Variants in CDK5RAP2 observed in about 807,000 individuals in gnomAD.
The protein encoded by CDK5RAP2 is CDK5 regulatory subunit associated protein 2.
A neutral mutation model predicts 232.9 loss-of-function variants in CDK5RAP2; 147 were observed. The ratio of observed to expected loss-of-function variants is 0.63; its 90% confidence interval spans 0.55 to 0.72. The LOEUF (loss-of-function observed/expected upper bound fraction) is 0.72. Ranked by LOEUF, CDK5RAP2 falls within the 30% of genes least tolerant of loss-of-function variation. The pLI is 0.00. For missense variants in CDK5RAP2, 2,195 were observed against 2,231.5 expected, an observed-to-expected ratio of 0.98 and a Z score of 0.33; for synonymous variants, 833 against 833.7, an observed-to-expected ratio of 1.00 and a Z score of 0.01.
At chr9:120,568,227 C>G in intron 3 of CDK5RAP2, 94 bp downstream of exon 3, 1 of 994,412 alleles carries the variant, frequency 1.0e-6, no homozygotes, top group Non-Finnish European at 1.6e-6. Flanking sequence ...CATCACCGAA[C>G]TTAGATCTCA....
intron 6 of CDK5RAP2, among the ~76,000 whole-genome samples, chr9:120,538,172 C>A (rs908748744): frequency 3.9e-5 from 6 of 152,162 alleles, no homozygotes; most frequent in Non-Finnish European, 8.8e-5. Flanking sequence ...GGCCTAATAG[C>A]TACATAACCC....
chr9:120,557,165 G>A (rs2042260190), intron 3 of CDK5RAP2, among the ~76,000 whole-genome samples: 1 of 152,140 alleles, frequency 6.6e-6, no homozygotes, highest in African/African-American at 2.4e-5. Flanking sequence ...AGTCCCAAAT[G>A]AATAAAATGA....
At chr9:120,429,463 T>C (rs1483631267) in intron 25 of CDK5RAP2, among the ~76,000 whole-genome samples, 2 of 152,032 alleles carry the variant, frequency 1.3e-5, no homozygotes, top group Non-Finnish European at 2.9e-5. Flanking sequence ...TATACACCAA[T>C]AACAGACAAA....
chr9:120,579,836 C>A, intron 1 of CDK5RAP2, 84 bp downstream of exon 1: 10 of 1,165,720 alleles, frequency 8.6e-6, no homozygotes, highest in Non-Finnish European at 1.2e-5. Flanking sequence ...CCCTCAAGAG[C>A]AAACCCCAAG....
intron 12 of CDK5RAP2, among the ~76,000 whole-genome samples, chr9:120,496,765 GC>G (rs1439871395): frequency 7.9e-6 from 1 of 127,108 alleles, no homozygotes; most frequent in Non-Finnish European, 1.6e-5. Context: ...CCGGCCAGCC[GC>G]CCCGTCCAGG....
At position 120,416,500 on chromosome 9, in the gene CDK5RAP2, A is replaced by G. The variant is rs117325291; in HGVS notation, c.4178-1341T>C. On this transcript the variant is annotated intron_variant, in intron 27 of 37. Coordinates refer to ENST00000349780, the MANE Select transcript of CDK5RAP2 (RefSeq NM_018249.6). Reference sequence around the variant, plus strand: ...ACACAAATATGTGAAAGAAGGAAATATATCTAAATATTAATAGCAGTTGCC... The same window carrying G: ...ACACAAATATGTGAAAGAAGGAAATGTATCTAAATATTAATAGCAGTTGCC... 4.3e-4 allele frequency among the ~76,000 whole-genome samples: 65 copies of G among 152,374 alleles called. No homozygotes were observed. The East Asian group carries it at 0.012, about 28-fold the overall frequency.
rs117891635 is a variant in CDK5RAP2, at chr9:120,547,522, C to T, written c.307-1732G>A. Among the ~76,000 whole-genome samples, 229 of 151,872 alleles carry T rather than the reference C, an allele frequency of 1.5e-3. 6 individuals are homozygous for T. In the East Asian group the frequency reaches 0.038, roughly 25 times the overall value. On this transcript the variant is annotated intron_variant, in intron 4 of 37. Transcript: ENST00000349780. ...GGAAGGCTGAGGCAGAAGAATCGCT[C>T]GAACCCAGGAGGCAGAGGTCGCAGT...
chr9:120,487,172 G>C, intron 14 of CDK5RAP2, 122 bp downstream of exon 14: 1 of 1,038,892 alleles, frequency 9.6e-7, no homozygotes, highest in East Asian at 2.4e-5. Context: ...CCTACCTGTT[G>C]TAGGCTCAGT....
rs1564356278 is a variant in CDK5RAP2, at chr9:120,539,165, C to A, written c.384-1G>T. On this transcript the variant is annotated splice_acceptor_variant, in intron 5 of 37. Transcript: ENST00000349780. LOFTEE classifies it high-confidence loss of function. The stretch of plus-strand genomic sequence containing the variant: ...TTCAGCTAAGCTCTCAACTGCTTTG[C>A]TGCAAAAAGAGGCACAGGGGTAAAA... 2 of 1,613,818 alleles carry A rather than the reference C, an allele frequency of 1.2e-6. No homozygotes were observed. Among genetic ancestry groups the A allele is most frequent in the Non-Finnish European group, 1.7e-6 (2 of 1,179,758 alleles).
intron 12 of CDK5RAP2, among the ~76,000 whole-genome samples, chr9:120,515,083 A>T (rs2040270038): frequency 1.3e-5 from 2 of 151,938 alleles, no homozygotes; most frequent in Admixed American, 6.6e-5. Flanking sequence ...AGAGAGACAG[A>T]GTGTGTGTGT....
At chr9:120,490,605 T>G (rs2038852182) in intron 13 of CDK5RAP2, among the ~76,000 whole-genome samples, 1 of 152,228 alleles carries the variant, frequency 6.6e-6, no homozygotes. Context: ...TGTAGCTGTG[T>G]GGAGAAAGCT....
chr9:120,574,486 A>G (rs1329480136), intron 1 of CDK5RAP2, among the ~76,000 whole-genome samples: 4 of 152,250 alleles, frequency 2.6e-5, no homozygotes, highest in Non-Finnish European at 5.9e-5. Flanking sequence ...TCAAAATCAC[A>G]AAAGTTAGTG....
At chr9:120,567,539 C>G (rs1218894674) in intron 3 of CDK5RAP2, among the ~76,000 whole-genome samples, 1 of 152,172 alleles carries the variant, frequency 6.6e-6, no homozygotes, top group Non-Finnish European at 1.5e-5. Context: ...GAACAGGTAA[C>G]TTGTTAAAGA....
At chr9:120,408,951 C>T (rs2033667155) in intron 30 of CDK5RAP2, among the ~76,000 whole-genome samples, 176 bp downstream of exon 30, 1 of 152,266 alleles carries the variant, frequency 6.6e-6, no homozygotes, top group Admixed American at 6.5e-5. Context: ...CAAGCCCTCT[C>T]CTCCTTACAG....
chr9:120,527,127 T>G (rs1401259740), intron 10 of CDK5RAP2, among the ~76,000 whole-genome samples: 2 of 152,180 alleles, frequency 1.3e-5, no homozygotes, highest in Non-Finnish European at 2.9e-5. Context: ...CTTGCATAGC[T>G]ACTAGGACAC....
intron 25 of CDK5RAP2, among the ~76,000 whole-genome samples, chr9:120,427,755 G>C (rs2035008201): frequency 6.6e-6 from 1 of 152,078 alleles, no homozygotes; most frequent in Non-Finnish European, 1.5e-5. Flanking sequence ...ATGGAAGAGG[G>C]GAAATGCAAG....
intron 10 of CDK5RAP2, among the ~76,000 whole-genome samples, chr9:120,525,619 C>CA (rs1564339065): frequency 1.4e-5 from 2 of 148,048 alleles, no homozygotes; most frequent in Non-Finnish European, 3.0e-5. Flanking sequence ...ACAATGTTGA[C>CA]TTTTTTTTTT....
At chr9:120,470,540 G>T (rs1387491477) in intron 16 of CDK5RAP2, among the ~76,000 whole-genome samples, 1 of 152,154 alleles carries the variant, frequency 6.6e-6, no homozygotes, top group Non-Finnish European at 1.5e-5. Flanking sequence ...CAAGAAAATG[G>T]TGATTTCAGT....
chr9:120,483,010 C>T (rs749016403), intron 14 of CDK5RAP2, among the ~76,000 whole-genome samples: 13 of 152,152 alleles, frequency 8.5e-5, no homozygotes, highest in Admixed American at 2.6e-4. Context: ...CACAGGCAGG[C>T]GGCCAGGCTG....
Sources: allele counts gnomAD v4.1 joint callset (sites outside exome capture counted in the v4.1 genomes callset), GRCh38; gene constraint gnomAD v4.1.1; transcripts MANE v1.5; gene names NCBI Gene and HGNC (gene_info 2026-07-23, HGNC 2026-07-21).